RORC: variants seen among roughly 807,000 people sequenced by gnomAD.
The protein encoded by RORC is RAR related orphan receptor C.
Under a neutral mutation model 64.5 loss-of-function variants are expected in RORC, and 13 were observed. The observed-to-expected ratio is 0.20, with a 90% CI of 0.13 to 0.32. The LOEUF (loss-of-function observed/expected upper bound fraction) is 0.32. RORC is among the 10% of genes least tolerant of loss of function. RORC has a pLI of 1.00. For synonymous variants in RORC, 277 were observed against 259.3 expected (o/e 1.07, Z -0.65); for missense variants, 468 against 669.5 (o/e 0.70, Z 3.32).
chr1:151,825,624 C>T (rs770070355), intron 2 of RORC, among the ~76,000 whole-genome samples: 5 of 152,174 alleles, frequency 3.3e-5, no homozygotes, highest in Non-Finnish European at 7.4e-5. Context: ...GGGCCAAGTA[C>T]GCGGCCTCCT....
At chr1:151,823,349 C>T (rs111445445) in intron 2 of RORC, among the ~76,000 whole-genome samples, 163 of 152,326 alleles carry the variant, frequency 1.1e-3, no homozygotes, top group African/African-American at 3.6e-3. Flanking sequence ...ATTGGCGCCA[C>T]GCTGGCCATG....
At chr1:151,824,858 G>A (rs1652130711) in intron 2 of RORC, among the ~76,000 whole-genome samples, 2 of 152,234 alleles carry the variant, frequency 1.3e-5, no homozygotes, top group Admixed American at 6.5e-5. Context: ...GCCAGTGATA[G>A]GCGGCACAAG....
Position 151,815,148 on chromosome 1 carries a change from C to T in RORC, c.576G>A (p.Lys192=). The T allele has an allele frequency of 1.9e-6, 3 of 1,614,084 alleles. No individual in the cohort carries two copies. The highest frequency in any genetic ancestry group is 1.7e-6 in the Non-Finnish European group (2 of 1,179,968). ...SGPSYSNNLA[K]AGLNGASCHL... is the part of the protein sequence containing the mutation. Reference sequence around the variant, plus strand: ...GGCATGAGGCCCCATTGAGCCCTGCCTTGGCCAAGTTGTTGGAATATGAGG... The same window carrying T: ...GGCATGAGGCCCCATTGAGCCCTGCTTTGGCCAAGTTGTTGGAATATGAGG... The change falls in exon 5 of 11, where the codon AAG becomes AAA. Residue 192 remains lysine, a synonymous_variant. Coordinates refer to ENST00000318247, the MANE Select transcript of RORC (RefSeq NM_005060.4).
Position 151,830,969 on chromosome 1 carries a change from T to C in RORC, c.40+756A>G, listed in dbSNP as rs941689185. 5 of 1,289,258 alleles carry C rather than the reference T, an allele frequency of 3.9e-6. No individual in the cohort carries two copies. The highest frequency in any genetic ancestry group is 4.0e-6 in the Non-Finnish European group (4 of 988,774). 79.9% of individuals were successfully genotyped at this position (1,289,258 alleles called of 1,614,324 possible). A position where few individuals can be genotyped will look rare whatever the true frequency, so the allele number is the denominator to read the frequency against. Reference sequence around the variant, plus strand: ...TCCTCCACCAGGTGGCCCTGGAGCTTGGTGGCTCTGGCCCTCAAACTTTCC... The same window carrying C: ...TCCTCCACCAGGTGGCCCTGGAGCTCGGTGGCTCTGGCCCTCAAACTTTCC... On this transcript the variant is annotated intron_variant, in intron 1 of 10. Transcript: ENST00000318247. This position sits in a 1 kb window ranked among gnomAD's most constrained non-coding sequence, Gnocchi z 4.0.
At chr1:151,831,364 T>TG (rs1378329214) in intron 1 of RORC, among the ~76,000 whole-genome samples, 1 of 152,106 alleles carries the variant, frequency 6.6e-6, no homozygotes, top group Non-Finnish European at 1.5e-5. Context: ...CTGTGCCTCC[T>TG]GGGGGGTAAG....
chr1:151,818,736 C>T (rs1193116056), intron 2 of RORC, among the ~76,000 whole-genome samples: 2 of 152,204 alleles, frequency 1.3e-5, no homozygotes, highest in African/African-American at 4.8e-5. Context: ...TGACGTGTCT[C>T]CCACCAAAGG....
chr1:151,814,571 C>T lies in RORC; in HGVS notation c.933+3G>A. On this transcript the variant is annotated splice_donor_region_variant and intron_variant, in intron 6 of 10. Coordinates refer to ENST00000318247, the MANE Select transcript of RORC (RefSeq NM_005060.4). The stretch of plus-strand genomic sequence containing the variant: ...TCCCTTCCTGCAGGTCTCCTGGCCT[C>T]ACCTTCCTCTGGTAGCCAGTCACTT... 1 of 1,610,866 alleles carries T rather than the reference C, an allele frequency of 6.2e-7. No homozygotes were observed.
At chr1:151,823,346 C>T (rs535381869) in intron 2 of RORC, among the ~76,000 whole-genome samples, 1 of 152,222 alleles carries the variant, frequency 6.6e-6, no homozygotes, top group Non-Finnish European at 1.5e-5. Flanking sequence ...CCTATTGGCG[C>T]CACGCTGGCC....
intron 4 of RORC, 34 bp downstream of exon 4, chr1:151,816,630 G>T: frequency 6.3e-7 from 1 of 1,581,500 alleles, no homozygotes; most frequent in South Asian, 1.2e-5. Context: ...GGAGACACCA[G>T]GAAAACCCCA....
At chr1:151,819,214 G>T (rs894805091) in intron 2 of RORC, among the ~76,000 whole-genome samples, 1 of 152,184 alleles carries the variant, frequency 6.6e-6, no homozygotes, top group South Asian at 2.1e-4. Flanking sequence ...GGCAGAAAAC[G>T]TTGGGGCCCC....
At chr1:151,809,931 G>A (rs4845587) in intron 10 of RORC, among the ~76,000 whole-genome samples, 2 of 151,990 alleles carry the variant, frequency 1.3e-5, no homozygotes, top group Admixed American at 1.3e-4. Context: ...AAGCTTTAAC[G>A]CTTATATGGC....
intron 3 of RORC, 45 bp from the exon 4 acceptor site, chr1:151,816,850 C>T: frequency 1.4e-6 from 2 of 1,469,250 alleles, no homozygotes; most frequent in Non-Finnish European, 1.8e-6. Flanking sequence ...CCTGGTCAGG[C>T]CCAGCTCACT....
intron 9 of RORC, chr1:151,812,237 T>C (rs941833979): frequency 6.6e-6 from 1 of 152,218 alleles, no homozygotes; most frequent in Non-Finnish European, 1.5e-5. Flanking sequence ...GACTTACTAT[T>C]TTTTGATTTT....
intron 4 of RORC, 146 bp downstream of exon 4, chr1:151,816,518 G>T: frequency 1.2e-6 from 1 of 824,660 alleles, no homozygotes; most frequent in Non-Finnish European, 1.8e-6. Context: ...CTGGAGGGGA[G>T]GAGACAAGGG....
chr1:151,827,422 C>A (rs1232142595), intron 2 of RORC, among the ~76,000 whole-genome samples: 1 of 152,152 alleles, frequency 6.6e-6, no homozygotes, highest in Non-Finnish European at 1.5e-5. Flanking sequence ...ATTCCAGAGA[C>A]CTTCTCAGCC....
In RORC at chr1:151,831,736, C is replaced by T. The variant is rs201874209; in HGVS notation, c.29G>A (p.Arg10Gln). 81 of 1,610,620 alleles carry T rather than the reference C, an allele frequency of 5.0e-5. No individual in the cohort carries two copies. Among genetic ancestry groups the T allele is most frequent in the South Asian group, 4.3e-4 (39 of 91,070 alleles). The change falls in exon 1 of 11, where the codon CGA (arginine) becomes CAA (glutamine). Residue 10 changes from arginine (R) to glutamine (Q), a missense_variant. Physicochemically the swap from Arg to Gln is conservative, Grantham distance 43. Around this residue, in one of 5 missense-constraint regions of RORC, gnomAD observed 21 missense variants for 20.6 expected, o/e 1.02. Transcript: ENST00000318247. MDRAPQRQH[R>Q]ASRELLAAKK... ...CATGGGCCTCTTACCCCGTGAGGCT[C>T]GGTGCTGTCTCTGTGGGGCCCTGTC...
Position 151,814,594 on chromosome 1 carries a change from C to T in RORC, c.913G>A (p.Val305Met). The change falls in exon 6 of 11, where the codon GTG (valine) becomes ATG (methionine). Residue 305 changes from valine to methionine, a missense_variant. By Grantham distance (21) the Val-to-Met change is conservative. Coordinates refer to ENST00000318247, the MANE Select transcript of RORC (RefSeq NM_005060.4). Reference protein sequence around the residue: ...QRSNIFSREEVTGYQRKSMWE... With the variant: ...QRSNIFSREEMTGYQRKSMWE... ...CTCACCTTCCTCTGGTAGCCAGTCACTTCCTCCCGGGAGAAGATGTTGGAG... is the reference window on the plus strand; with the variant it reads ...CTCACCTTCCTCTGGTAGCCAGTCATTTCCTCCCGGGAGAAGATGTTGGAG... The T allele has an allele frequency of 1.2e-6, 2 of 1,612,732 alleles. No homozygotes were observed. Among genetic ancestry groups the T allele is most frequent in the Admixed American group, 1.7e-5 (1 of 59,866 alleles).
At chr1:151,820,695 C>A (rs1651964414) in intron 2 of RORC, among the ~76,000 whole-genome samples, 1 of 152,190 alleles carries the variant, frequency 6.6e-6, no homozygotes, top group African/African-American at 2.4e-5. Context: ...AATGCACCCG[C>A]CAGCTCCTTA....
At chr1:151,811,623 A>G (rs1028409496) in intron 9 of RORC, 189 bp from the exon 10 acceptor site, 1 of 452,886 alleles carries the variant, frequency 2.2e-6, no homozygotes, top group Non-Finnish European at 4.0e-6. Context: ...CTACAAGGAA[A>G]ACTGGGAAGA....
Sources: gnomAD v4.1 joint callset for allele counts (sites outside exome capture counted in the v4.1 genomes callset) on GRCh38, gnomAD v4.1.1 for gene constraint, gnomAD v4.1.1 regional missense constraint, Gnocchi (gnomAD v3.1) non-coding constraint, MANE v1.5 for transcripts, NCBI Gene and HGNC (gene_info 2026-07-23, HGNC 2026-07-21) for gene names.